PPP4R3B: variants seen among roughly 807,000 people sequenced by gnomAD.
PPP4R3B encodes serine/threonine-protein phosphatase 4 regulatory subunit 3B.
PPP4R3B carries 52 observed loss-of-function variants against 95.4 expected under a neutral mutation model. That is an observed-to-expected ratio of 0.54 (90% CI 0.44 to 0.69). The LOEUF is 0.69. Ranked by LOEUF, PPP4R3B falls within the 30% of genes least tolerant of loss-of-function variation. The probability of loss-of-function intolerance (pLI) is 0.00; values close to 1 mark genes in which losing one functional copy is unlikely to be tolerated. For missense variants in PPP4R3B, 1,003 were observed against 1,005.9 expected (o/e 1.00, Z 0.04); for synonymous variants, 407 against 343.9 (o/e 1.18, Z -2.03).
At chr2:55,594,212 C>T (rs1036904077) in intron 4 of PPP4R3B, among the ~76,000 whole-genome samples, 33 of 151,024 alleles carry the variant, frequency 2.2e-4, no homozygotes, top group African/African-American at 9.7e-5. Context: ...TTCAATATCA[C>T]GGTGATGGGT....
chr2:55,616,394 A>G (rs571814852), intron 1 of PPP4R3B: 7 of 152,386 alleles, frequency 4.6e-5, no homozygotes, highest in South Asian at 2.1e-4. Flanking sequence ...CTAACTGCCT[A>G]TATCAGTTGT....
Position 55,586,665 on chromosome 2 carries a change from T to C in PPP4R3B, c.1069A>G (p.Lys357Glu). Residue 357 changes from lysine (K) to glutamate (E), a missense_variant, in exon 6 of 17, where the codon AAA becomes GAA. This residue lies in a region of PPP4R3B where 695 missense variants were observed against 686.2 expected (regional missense o/e 1.01). Coordinates refer to ENST00000616407, the MANE Select transcript of PPP4R3B (RefSeq NM_001122964.3). The part of the protein sequence containing the change: ...LQPQNRDAFF[K>E]TLAKLGILPA... Reference sequence around the variant, plus strand: ...AGAATTCCCAATTTTGCCAATGTTTTGAAAAATGCATCCCTGTTTTGAGGT... The same window carrying C: ...AGAATTCCCAATTTTGCCAATGTTTCGAAAAATGCATCCCTGTTTTGAGGT... 1.2e-6 allele frequency: 2 copies of C among 1,610,554 alleles called. No homozygotes were observed. The highest frequency in any genetic ancestry group is 1.7e-6 in the Non-Finnish European group (2 of 1,178,546).
At chr2:55,565,454 T>C (rs1687166361) in intron 13 of PPP4R3B, among the ~76,000 whole-genome samples, 1 of 152,102 alleles carries the variant, frequency 6.6e-6, no homozygotes, top group East Asian at 1.9e-4. Flanking sequence ...TAAGAGAGGC[T>C]GGATGGTTTG....
chr2:55,580,816 A>G (rs1689350318), intron 8 of PPP4R3B, among the ~76,000 whole-genome samples: 1 of 152,206 alleles, frequency 6.6e-6, no homozygotes, highest in Non-Finnish European at 1.5e-5. Context: ...ATGACTATTA[A>G]TATTCTGGAG....
intron 16 of PPP4R3B, among the ~76,000 whole-genome samples, chr2:55,551,824 G>C (rs1019539142): frequency 7.0e-6 from 1 of 142,978 alleles, no homozygotes; most frequent in Admixed American, 6.9e-5. Flanking sequence ...TTCGTATGTA[G>C]TTAGTGTTCA....
chr2:55,564,426 C>G lies in PPP4R3B; in HGVS notation c.2147G>C (p.Trp716Ser), dbSNP rs1687022774. ...TTCCTCTTCTTCATCTTCATTAAAC[C>G]ACATTTCTTCATCCTCTTCCAAGGC... ...AKALEEDEEM[W>S]FNEDEEEEGK... Residue 716 changes from tryptophan to serine, a missense_variant, in exon 15 of 17, where the codon TGG becomes TCG. Trp to Ser is a radical substitution (Grantham distance 177, BLOSUM62 -3). Coordinates refer to ENST00000616407, the MANE Select transcript of PPP4R3B (RefSeq NM_001122964.3). 2 of 1,613,634 alleles carry G rather than the reference C, an allele frequency of 1.2e-6. No individual in the cohort carries two copies. Among genetic ancestry groups the G allele is most frequent in the Non-Finnish European group, 8.5e-7 (1 of 1,179,822 alleles).
intron 12 of PPP4R3B, among the ~76,000 whole-genome samples, chr2:55,572,042 G>T (rs960197212): frequency 3.3e-5 from 5 of 152,194 alleles, no homozygotes; most frequent in African/African-American, 1.2e-4. Flanking sequence ...GGAAAGGTAT[G>T]GTTGCCTTAA....
intron 15 of PPP4R3B, among the ~76,000 whole-genome samples, chr2:55,561,971 G>C (rs970565763): frequency 1.4e-4 from 21 of 152,162 alleles, no homozygotes; most frequent in Admixed American, 1.2e-3. Flanking sequence ...GGGAGGGACC[G>C]GGGTGGAATG....
rs371786117 is a variant in PPP4R3B at position 55,595,436 on chromosome 2, G to C, written c.921+2980C>G. ...AGGCCAGGAGTTTGAGACCAGCCTG[G>C]GCAACACAGTGAGATCCTGTCTCTA... On this transcript the variant is annotated intron_variant, in intron 4 of 16. Transcript: ENST00000616407. Among the ~76,000 whole-genome samples the C allele has an allele frequency of 3.6e-4, 54 of 151,682 alleles. 2 individuals carry two copies. In the East Asian group the frequency reaches 0.01, roughly 29 times the overall value.
chr2:55,602,905 C>T (rs1692831905), intron 3 of PPP4R3B, among the ~76,000 whole-genome samples: 1 of 151,996 alleles, frequency 6.6e-6, no homozygotes, highest in South Asian at 2.1e-4. Context: ...TCCTGAACTA[C>T]CTAAGTGAAA....
At chr2:55,602,741 C>T (rs1014026383) in intron 3 of PPP4R3B, among the ~76,000 whole-genome samples, 8 of 152,196 alleles carry the variant, frequency 5.3e-5, no homozygotes, top group African/African-American at 1.7e-4. Flanking sequence ...AAGCCTGAAA[C>T]TCTCCTAGAC....
chr2:55,578,794 C>G (rs936148626), intron 9 of PPP4R3B, among the ~76,000 whole-genome samples: 2 of 152,016 alleles, frequency 1.3e-5, no homozygotes, highest in Admixed American at 6.6e-5. Context: ...TCCTAACTTC[C>G]TTTTAAGTGA....
At chr2:55,573,946 T>C (rs1688326369) in intron 11 of PPP4R3B, among the ~76,000 whole-genome samples, 169 bp from the exon 12 acceptor site, 3 of 141,638 alleles carry the variant, frequency 2.1e-5, no homozygotes, top group South Asian at 4.5e-4. Context: ...TGGAGTGTGG[T>C]GGTGTGATCA....
intron 2 of PPP4R3B, among the ~76,000 whole-genome samples, chr2:55,612,514 T>A (rs1694305115): frequency 6.6e-6 from 1 of 151,990 alleles, no homozygotes; most frequent in Non-Finnish European, 1.5e-5. Flanking sequence ...AGGCCAGGAA[T>A]TCAAATCAGC....
intron 16 of PPP4R3B, among the ~76,000 whole-genome samples, chr2:55,554,344 G>T (rs189812212): frequency 6.6e-6 from 1 of 152,350 alleles, no homozygotes; most frequent in Admixed American, 6.5e-5. Flanking sequence ...ATAAGCCTAT[G>T]CACCAGGCCT....
At chr2:55,606,910 A>T (rs967419804) in intron 2 of PPP4R3B, among the ~76,000 whole-genome samples, 1 of 152,010 alleles carries the variant, frequency 6.6e-6, no homozygotes, top group Admixed American at 6.6e-5. Flanking sequence ...GATCTATTAC[A>T]TCATTGTTTC....
At chr2:55,589,957 T>TTA (rs1183033201) in intron 4 of PPP4R3B, among the ~76,000 whole-genome samples, 5 of 139,756 alleles carry the variant, frequency 3.6e-5, no homozygotes, top group African/African-American at 1.0e-4. Context: ...ATATATATAA[T>TTA]TATATATATA....
intron 11 of PPP4R3B, 35 bp from the exon 12 acceptor site, chr2:55,573,812 T>A: frequency 7.6e-7 from 1 of 1,319,660 alleles, no homozygotes; most frequent in South Asian, 1.5e-5. Flanking sequence ...AAATAAATAT[T>A]GAATATATCT....
intron 4 of PPP4R3B, among the ~76,000 whole-genome samples, chr2:55,589,294 T>C (rs1009989364): frequency 7.2e-5 from 11 of 152,202 alleles, no homozygotes; most frequent in African/African-American, 2.4e-4. Context: ...AATTTAAACA[T>C]AATTCAAACA....
Sources: allele counts gnomAD v4.1 joint callset (sites outside exome capture counted in the v4.1 genomes callset), GRCh38; gene constraint gnomAD v4.1.1; regional missense constraint gnomAD v4.1.1; transcripts MANE v1.5; gene names NCBI Gene and HGNC (gene_info 2026-07-23, HGNC 2026-07-21).